Variants in NTRK2 observed in about 807,000 individuals in gnomAD.
NTRK2 encodes neurotrophic receptor tyrosine kinase 2.
Under a neutral mutation model 94.5 loss-of-function variants are expected in NTRK2, and 13 were observed. That is an observed-to-expected ratio of 0.14 (90% CI 0.09 to 0.22). NTRK2 has a LOEUF of 0.22. NTRK2 is among the 10% of genes least tolerant of loss of function. The pLI is 1.00. For synonymous variants in NTRK2, 372 were observed against 407.4 expected, an observed-to-expected ratio of 0.91 and a Z score of 1.05; for missense variants, 639 against 1,071.2, an observed-to-expected ratio of 0.60 and a Z score of 5.63.
Position 84,923,558 on chromosome 9 carries a change from C to T in NTRK2, c.1634-10604C>T, listed in dbSNP as rs567855471. Among the ~76,000 whole-genome samples the T allele has an allele frequency of 7.4e-4, 112 of 152,236 alleles. 1 individual carries two copies. The highest frequency in any genetic ancestry group is 2.7e-3 in the African/African-American group (111 of 41,546). ...CACCAAAAACAAAAGATTTCTTCCACCATGGGAACATTCTTTCAGAGGTTC... is the reference window on the plus strand; with the variant it reads ...CACCAAAAACAAAAGATTTCTTCCATCATGGGAACATTCTTTCAGAGGTTC... On this transcript the variant is annotated intron_variant, in intron 14 of 18. Transcript: ENST00000277120.
intron 17 of NTRK2, among the ~76,000 whole-genome samples, chr9:84,978,815 C>T (rs1827229185): frequency 6.6e-6 from 1 of 152,184 alleles, no homozygotes; most frequent in Non-Finnish European, 1.5e-5. Context: ...AAGTTGAAGT[C>T]AATGTTTATT....
intron 12 of NTRK2, among the ~76,000 whole-genome samples, chr9:84,778,622 C>T (rs1564252225): frequency 6.6e-6 from 1 of 152,144 alleles, no homozygotes; most frequent in Non-Finnish European, 1.5e-5. Context: ...GTTTGGCTGT[C>T]GATTCTGTAA....
intron 17 of NTRK2, among the ~76,000 whole-genome samples, chr9:84,958,361 G>A (rs1824435120): frequency 6.6e-6 from 1 of 152,170 alleles, no homozygotes; most frequent in African/African-American, 2.4e-5. Flanking sequence ...TTTACACATT[G>A]TAAAAACACT....
At chr9:84,917,680 A>C (rs959598396) in intron 14 of NTRK2, among the ~76,000 whole-genome samples, 3 of 152,176 alleles carry the variant, frequency 2.0e-5, no homozygotes, top group African/African-American at 7.2e-5. Flanking sequence ...GTCCAAGCAG[A>C]GTAAATCTAA....
intron 12 of NTRK2, among the ~76,000 whole-genome samples, chr9:84,789,631 C>T (rs914146879): frequency 1.8e-4 from 28 of 152,250 alleles, no homozygotes; most frequent in African/African-American, 6.3e-4. Context: ...AAATAGCAGA[C>T]CTAAATCCAG....
In NTRK2 at chr9:84,867,275, T is replaced by C. The variant is rs1011244815; in HGVS notation, c.1477T>C (p.Ser493Pro). ...PASVISNDDD[S>P]ASPLHHISNG... is the part of the protein sequence containing the mutation. Reference sequence around the variant, plus strand: ...CTCCGTTATCAGCAATGATGATGACTCTGCCAGCCCACTCCATCACATCTC... The same window carrying C: ...CTCCGTTATCAGCAATGATGATGACCCTGCCAGCCCACTCCATCACATCTC... The change falls in exon 14 of 19, where the codon TCT becomes CCT. Residue 493 changes from serine (S) to proline (P), a missense_variant. By Grantham distance (74) the Ser-to-Pro change is moderately conservative. This residue lies in a region of NTRK2 where 343 missense variants were observed against 571.5 expected (regional missense o/e 0.60). Transcript: ENST00000277120. The C allele has an allele frequency of 6.2e-7, 1 of 1,613,986 alleles. No homozygotes were observed. The highest frequency in any genetic ancestry group is 1.3e-5 in the African/African-American group (1 of 74,936).
At chr9:84,941,019 C>T (rs1048009251) in intron 15 of NTRK2, among the ~76,000 whole-genome samples, 3 of 152,102 alleles carry the variant, frequency 2.0e-5, no homozygotes, top group African/African-American at 7.2e-5. Context: ...CTTAAGAAGA[C>T]AATTGTTAGT....
chr9:84,810,417 C>T lies in NTRK2; in HGVS notation c.1397-50623C>T, dbSNP rs965368886. ...ATTGCTCTATGGTTTAAAGTGTATTCCATGTTGTGTCTCATTTTTGATGTT... is the reference window on the plus strand; with the variant it reads ...ATTGCTCTATGGTTTAAAGTGTATTTCATGTTGTGTCTCATTTTTGATGTT... On this transcript the variant is annotated intron_variant, in intron 12 of 18. Coordinates refer to ENST00000277120, the MANE Select transcript of NTRK2 (RefSeq NM_006180.6). 6.8e-5 allele frequency: 62 copies of T among 913,174 alleles called. No individual in the cohort carries two copies. The South Asian group carries it at 9.1e-4, about 13-fold the overall frequency. The allele number at this position is 913,174 out of a possible 1,614,324, so 56.6% of individuals were successfully genotyped here.
intron 2 of NTRK2, among the ~76,000 whole-genome samples, chr9:84,679,613 T>G (rs1417630085): frequency 6.6e-6 from 1 of 152,212 alleles, no homozygotes; most frequent in East Asian, 1.9e-4. Context: ...TGATTTCATC[T>G]TGAACCTGGA....
In NTRK2 at chr9:84,787,293, C is replaced by T. The variant is rs117135620; in HGVS notation, c.1396+35208C>T. Among the ~76,000 whole-genome samples the T allele has an allele frequency of 2.1e-3, 317 of 151,924 alleles. 10 individuals carry two copies. In the East Asian group the frequency reaches 0.048, roughly 23 times the overall value. On this transcript the variant is annotated intron_variant, in intron 12 of 18. Coordinates refer to ENST00000277120, the MANE Select transcript of NTRK2 (RefSeq NM_006180.6). Reference sequence around the variant, plus strand: ...AGCCTGGGCGACAAGAGGAAAACTCCGTCTAAAACAAACAAACAAACAAAC... The same window carrying T: ...AGCCTGGGCGACAAGAGGAAAACTCTGTCTAAAACAAACAAACAAACAAAC...
At chr9:84,688,408 C>T (rs2059848560) in intron 2 of NTRK2, among the ~76,000 whole-genome samples, 1 of 152,130 alleles carries the variant, frequency 6.6e-6, no homozygotes, top group East Asian at 1.9e-4. Context: ...AGGGGGGTGG[C>T]CAGGCTCTTC....
intron 12 of NTRK2, among the ~76,000 whole-genome samples, chr9:84,794,164 C>T (rs1461328984): frequency 6.6e-6 from 1 of 152,170 alleles, no homozygotes; most frequent in Non-Finnish European, 1.5e-5. Flanking sequence ...TTTTAGCCTT[C>T]ACCTACAGCA....
intron 11 of NTRK2, among the ~76,000 whole-genome samples, chr9:84,750,700 C>T (rs2064513781): frequency 6.6e-6 from 1 of 152,192 alleles, no homozygotes; most frequent in African/African-American, 2.4e-5. Flanking sequence ...CTGGCAAAGC[C>T]TGAAGTATTT....
chr9:84,702,476 C>A (rs768383598), intron 4 of NTRK2, 57 bp downstream of exon 4: 1 of 1,424,862 alleles, frequency 7.0e-7, no homozygotes, highest in Non-Finnish European at 9.9e-7. Flanking sequence ...ATATTTCCCC[C>A]CTCTGTTTAT....
intron 9 of NTRK2, among the ~76,000 whole-genome samples, chr9:84,737,480 G>T (rs1349206193): frequency 2.0e-5 from 3 of 152,184 alleles, no homozygotes; most frequent in Non-Finnish European, 4.4e-5. Flanking sequence ...TGGGTTTGAT[G>T]CTGTTGGGGA....
chr9:85,009,860 A>G (rs561455951), intron 17 of NTRK2, among the ~76,000 whole-genome samples: 13 of 152,298 alleles, frequency 8.5e-5, no homozygotes, highest in African/African-American at 2.6e-4. Context: ...TTGATGTTAC[A>G]CTCACATGAA....
chr9:84,684,138 G>C (rs753004857), intron 2 of NTRK2, among the ~76,000 whole-genome samples: 15 of 149,770 alleles, frequency 1.0e-4, no homozygotes, highest in Admixed American at 4.7e-4. Flanking sequence ...CTCCCATTCT[G>C]TAGGTTGCCT....
intron 14 of NTRK2, among the ~76,000 whole-genome samples, chr9:84,868,412 T>C (rs1367319970): frequency 2.6e-5 from 4 of 152,154 alleles, no homozygotes; most frequent in Non-Finnish European, 5.9e-5. Flanking sequence ...TCTGTGCATA[T>C]ATAAGGAAAT....
At chr9:84,682,072 A>G (rs1472106626) in intron 2 of NTRK2, among the ~76,000 whole-genome samples, 1 of 152,148 alleles carries the variant, frequency 6.6e-6, no homozygotes, top group African/African-American at 2.4e-5. Context: ...CCATCTCCAT[A>G]ATGGGAGAGC....
Sources: allele counts gnomAD v4.1 joint callset (sites outside exome capture counted in the v4.1 genomes callset), GRCh38; gene constraint gnomAD v4.1.1; regional missense constraint gnomAD v4.1.1; transcripts MANE v1.5; gene names NCBI Gene and HGNC (gene_info 2026-07-23, HGNC 2026-07-21).